Variants in MAP4K3 observed in about 807,000 individuals in gnomAD.
MAP4K3 encodes MAPK/ERK kinase kinase kinase 3.
Under a neutral mutation model 143.5 loss-of-function variants are expected in MAP4K3, and 94 were observed. That is an observed-to-expected ratio of 0.65 (90% CI 0.55 to 0.78). The LOEUF (loss-of-function observed/expected upper bound fraction) is 0.78. MAP4K3 is among the 30% of genes least tolerant of loss of function. MAP4K3 has a pLI of 0.00. For synonymous variants in MAP4K3, 416 were observed against 347.2 expected (o/e 1.20, Z -2.20); for missense variants, 1,077 against 1,068.1 (o/e 1.01, Z -0.12).
At chr2:39,343,066 G>GTATAC (rs1323190922) in intron 4 of MAP4K3, among the ~76,000 whole-genome samples, 1 of 152,146 alleles carries the variant, frequency 6.6e-6, no homozygotes, top group East Asian at 1.9e-4. Flanking sequence ...CACTACTCAT[G>GTATAC]TATACACTGG....
At chr2:39,399,309 A>G (rs1299414471) in intron 1 of MAP4K3, among the ~76,000 whole-genome samples, 6 of 152,216 alleles carry the variant, frequency 3.9e-5, no homozygotes, top group Non-Finnish European at 8.8e-5. Flanking sequence ...GACACAGACA[A>G]GGTTTTTAAT....
intron 8 of MAP4K3, among the ~76,000 whole-genome samples, 187 bp downstream of exon 8, chr2:39,331,730 A>G (rs1182814598): frequency 1.3e-5 from 2 of 152,116 alleles, no homozygotes; most frequent in African/African-American, 4.8e-5. Context: ...CCTTAGTGAA[A>G]AATAACATGG....
Position 39,250,563 on chromosome 2 carries a change from G to C in MAP4K3, c.*55C>G. ...TGTACAGCTTCAAGCATCCATTAAT[G>C]TTGCAGTGGTAGTGTTCTTTCTTTC... On this transcript the variant is annotated 3_prime_UTR_variant, in exon 34 of 34. Coordinates refer to ENST00000263881, the MANE Select transcript of MAP4K3 (RefSeq NM_003618.4). 6.8e-7 allele frequency: 1 copy of C among 1,467,792 alleles called. No homozygotes were observed. The highest frequency in any genetic ancestry group is 9.5e-7 in the Non-Finnish European group (1 of 1,051,464). 90.9% of individuals were successfully genotyped at this position (1,467,792 alleles called of 1,614,324 possible). A position where few individuals can be genotyped will look rare whatever the true frequency, so the allele number is the denominator to read the frequency against.
At chr2:39,304,106 A>C (rs748914680) in intron 15 of MAP4K3, among the ~76,000 whole-genome samples, 6 of 152,088 alleles carry the variant, frequency 3.9e-5, no homozygotes, top group Non-Finnish European at 7.3e-5. Flanking sequence ...CAATTCTAAA[A>C]AATCAAGCCC....
intron 12 of MAP4K3, among the ~76,000 whole-genome samples, chr2:39,318,810 A>G (rs1683203300): frequency 6.6e-6 from 1 of 152,200 alleles, no homozygotes; most frequent in Non-Finnish European, 1.5e-5. Context: ...TTATCATCAA[A>G]TAATATAAAT....
Position 39,250,679 on chromosome 2 carries a change from G to C in MAP4K3, c.2624C>G (p.Thr875Ser). Reference protein sequence around the residue: ...DRVVVLESRPTDNPTANSNLY... With the variant: ...DRVVVLESRPSDNPTANSNLY... ...ATTGCTATTTGCTGTGGGGTTATCA[G>C]TTGGCCTACTTTCCAAAACCACGAC... The change falls in exon 34 of 34, where the codon ACT becomes AGT. Residue 875 changes from threonine (T) to serine (S), a missense_variant. Thr to Ser is a moderately conservative substitution (Grantham distance 58). Transcript: ENST00000263881. 3.7e-6 allele frequency: 6 copies of C among 1,613,842 alleles called. No homozygotes were observed. Among genetic ancestry groups the C allele is most frequent in the Non-Finnish European group, 5.1e-6 (6 of 1,179,828 alleles).
At chr2:39,272,110 AAAAATTTTAG>A in intron 26 of MAP4K3, 163 bp downstream of exon 26, 1 of 464,982 alleles carries the variant, frequency 2.2e-6, no homozygotes, top group Non-Finnish European at 3.8e-6. Context: ...TACAAAGTAG[AAAAATTTTAG>A]AACAAGAGTG....
intron 3 of MAP4K3, among the ~76,000 whole-genome samples, chr2:39,351,663 GTTTA>G (rs1402942876): frequency 5.9e-5 from 9 of 152,224 alleles, no homozygotes; most frequent in South Asian, 2.1e-4. Context: ...TACTTCAAAG[GTTTA>G]TTTATTTTAC....
chr2:39,280,164 CT>C (rs908163600), intron 23 of MAP4K3, 107 bp downstream of exon 23: 36 of 602,152 alleles, frequency 6.0e-5, no homozygotes, highest in African/African-American at 9.4e-5. Context: ...TATAACAAAA[CT>C]TTTTTTCCCC....
At chr2:39,288,827 C>A (rs573398454) in intron 19 of MAP4K3, among the ~76,000 whole-genome samples, 1 of 151,970 alleles carries the variant, frequency 6.6e-6, no homozygotes, top group Admixed American at 6.6e-5. Context: ...CTGAGGCGAG[C>A]GGATCACGAG....
rs531055574 is a variant in MAP4K3 at position 39,427,442 on chromosome 2, G to A, written c.96+9450C>T. 2.4e-4 allele frequency among the ~76,000 whole-genome samples: 36 copies of A among 152,158 alleles called. 2 individuals carry two copies. In the East Asian group the frequency reaches 6.6e-3, roughly 28 times the overall value. ...GCAAAGAAATTGAAAACTCCTACAC[G>A]TAAATGTAAAGAAGCACTGTCTGTA... On this transcript the variant is annotated intron_variant, in intron 1 of 33. Transcript: ENST00000263881.
intron 1 of MAP4K3, among the ~76,000 whole-genome samples, chr2:39,414,142 A>G (rs1667304950): frequency 6.6e-6 from 1 of 152,178 alleles, no homozygotes; most frequent in Admixed American, 6.5e-5. Flanking sequence ...CCTAATCTCT[A>G]TAGAAATAGC....
intron 22 of MAP4K3, among the ~76,000 whole-genome samples, 169 bp downstream of exon 22, chr2:39,282,343 CA>C (rs1681572776): frequency 6.6e-6 from 1 of 152,082 alleles, no homozygotes; most frequent in African/African-American, 2.4e-5. Flanking sequence ...ATTAAAAATA[CA>C]AAAATTAGCG....
intron 1 of MAP4K3, among the ~76,000 whole-genome samples, chr2:39,384,839 T>G (rs531602365): frequency 6.6e-6 from 1 of 152,210 alleles, no homozygotes; most frequent in Non-Finnish European, 1.5e-5. Context: ...TATTAGATTA[T>G]GTAACCACCA....
intron 1 of MAP4K3, among the ~76,000 whole-genome samples, chr2:39,420,485 T>C (rs916703302): frequency 2.8e-4 from 42 of 152,114 alleles, no homozygotes; most frequent in African/African-American, 9.4e-4. Context: ...ACTGCAATCA[T>C]AGCTTACAGC....
At chr2:39,332,046 G>T (rs1162739224) in intron 7 of MAP4K3, 57 bp from the exon 8 acceptor site, 1 of 987,598 alleles carries the variant, frequency 1.0e-6, no homozygotes, top group Non-Finnish European at 1.5e-6. Context: ...ATTGTTTAAG[G>T]CAACATAAAA....
At chr2:39,430,805 T>C (rs991456329) in intron 1 of MAP4K3, among the ~76,000 whole-genome samples, 1 of 152,168 alleles carries the variant, frequency 6.6e-6, no homozygotes, top group African/African-American at 2.4e-5. Context: ...GACCTAATAA[T>C]AACCCATTAC....
intron 1 of MAP4K3, chr2:39,436,544 G>T (rs867426729): frequency 9.9e-5 from 25 of 252,596 alleles, no homozygotes; most frequent in Middle Eastern, 1.4e-3. Context: ...TGTCCGGTTC[G>T]TCGCGCTGAC....
chr2:39,333,712 T>C lies in MAP4K3; in HGVS notation c.415-138A>G, dbSNP rs1428010642. ...TAAAGTGTGCTTAATTAAAATGTCG[T>C]ATCATTAGAGTCATAGGTAAATCTA... On this transcript the variant is annotated intron_variant, in intron 6 of 33. Coordinates refer to ENST00000263881, the MANE Select transcript of MAP4K3 (RefSeq NM_003618.4). 1.8e-5 allele frequency: 9 copies of C among 495,120 alleles called. No homozygotes were observed. In the East Asian group the frequency reaches 2.3e-4, roughly 13 times the overall value. The allele number at this position is 495,120 out of a possible 1,614,324, so 30.7% of individuals were successfully genotyped here. A position where few individuals can be genotyped will look rare whatever the true frequency, so the allele number is the denominator to read the frequency against.
Sources: allele counts gnomAD v4.1 joint callset (sites outside exome capture counted in the v4.1 genomes callset), GRCh38; gene constraint gnomAD v4.1.1; transcripts MANE v1.5; gene names NCBI Gene and HGNC (gene_info 2026-07-23, HGNC 2026-07-21).